The following CRYGN variants were observed in gnomAD, a reference collection of about 807,000 sequenced individuals.
The protein encoded by CRYGN is crystallin gamma N.
CRYGN carries 17 observed loss-of-function variants against 19.2 expected under a neutral mutation model. The ratio of observed to expected loss-of-function variants is 0.89; its 90% CI spans 0.61 to 1.33. The LOEUF is 1.33. Among genes scored for constraint, CRYGN ranks in the 40% most tolerant of loss-of-function variants. The pLI is 0.00. For missense variants in CRYGN, 239 were observed against 239.6 expected, an observed-to-expected ratio of 1.00 and a Z score of 0.02; for synonymous variants, 84 against 85.8, an observed-to-expected ratio of 0.98 and a Z score of 0.12.
Position 151,439,924 on chromosome 7 carries a change from C to T in CRYGN, c.-7G>A. 1 of 1,541,022 alleles carries T rather than the reference C, an allele frequency of 6.5e-7. No homozygotes were observed. Among genetic ancestry groups the T allele is most frequent in the Non-Finnish European group, 8.7e-7 (1 of 1,144,158 alleles). ...TCCCCGAGCGCTGCGCCATGGTGCG[C>T]CCCGCCCCTTCCGCGGGTCCCCGTT... On this transcript the variant is annotated 5_prime_UTR_variant, in exon 1 of 4. Coordinates refer to ENST00000337323, the MANE Select transcript of CRYGN (RefSeq NM_144727.3).
Position 151,435,322 on chromosome 7 carries a change from G to A in CRYGN, c.416+858C>T, listed in dbSNP as rs968607833. 1.3e-5 allele frequency among the ~76,000 whole-genome samples: 2 copies of A among 152,234 alleles called. No homozygotes were observed. ...AGGGACAGACACAGGCTTGGCTGCAGTCTCAGCTGTGCCACTCCCACGGGG... is the reference window on the plus strand; with the variant it reads ...AGGGACAGACACAGGCTTGGCTGCAATCTCAGCTGTGCCACTCCCACGGGG... On this transcript the variant is annotated intron_variant, in intron 3 of 3. Transcript: ENST00000337323. The surrounding 1 kb of genome is among the most constrained non-coding windows in gnomAD (Gnocchi z 4.2).
chr7:151,438,087 T>C lies in CRYGN; in HGVS notation c.179A>G (p.Gln60Arg). Residue 60 changes from glutamine to arginine, a missense_variant, in exon 2 of 4, where the codon CAG becomes CGG. By Grantham distance (43) the Gln-to-Arg change is conservative. Coordinates refer to ENST00000337323, the MANE Select transcript of CRYGN (RefSeq NM_144727.3). ...GTCGCCGTGCTCCAAGATGAACTGCTGGCCCCGGAAGTCGGGGTGATTGAA... is the reference window on the plus strand; with the variant it reads ...GTCGCCGTGCTCCAAGATGAACTGCCGGCCCCGGAAGTCGGGGTGATTGAA... The part of the protein sequence containing the change: ...VCFNHPDFRG[Q>R]QFILEHGDYP... The C allele has an allele frequency of 1.2e-6, 2 of 1,614,154 alleles. No individual in the cohort carries two copies. The highest frequency in any genetic ancestry group is 1.7e-6 in the Non-Finnish European group (2 of 1,180,036).
Position 151,430,506 on chromosome 7 carries a change from A to G in CRYGN, c.417-326T>C, listed in dbSNP as rs1294262357. ...GGGGAGAGGTTGGAGGACACCCAGG[A>G]ACGGGACAGCCATCCCCTGGCCCAC... On this transcript the variant is annotated intron_variant, in intron 3 of 3. Transcript: ENST00000337323. The surrounding 1 kb of genome is among the most constrained non-coding windows in gnomAD (Gnocchi z 5.2). Among the ~76,000 whole-genome samples the G allele has an allele frequency of 6.6e-6, 1 of 152,108 alleles. No individual in the cohort carries two copies. The highest frequency in any genetic ancestry group is 2.4e-5 in the African/African-American group (1 of 41,416).
intron 3 of CRYGN, among the ~76,000 whole-genome samples, chr7:151,434,764 C>A (rs1356484249): frequency 6.6e-6 from 1 of 152,216 alleles, no homozygotes; most frequent in Non-Finnish European, 1.5e-5. Flanking sequence ...TGATATATAA[C>A]AAAGCCATTT....
chr7:151,432,134 C>T (rs987697324), intron 3 of CRYGN: 38 of 1,194,936 alleles, frequency 3.2e-5, no homozygotes, highest in Middle Eastern at 6.3e-4. Flanking sequence ...CCGGCCATCC[C>T]GGTGGGAGGG....
chr7:151,432,189 T>C (rs1801486167), intron 3 of CRYGN: 1 of 1,231,890 alleles, frequency 8.1e-7, no homozygotes, highest in Non-Finnish European at 1.0e-6. Context: ...ACTGCACTCG[T>C]GCGCTGTGGG....
chr7:151,439,868 G>C (rs201578403), intron 1 of CRYGN, 29 bp downstream of exon 1: 6 of 1,551,716 alleles, frequency 3.9e-6, no homozygotes, highest in Non-Finnish European at 5.2e-6. Context: ...GCCCCACTCG[G>C]TTTCCTTGGG....
chr7:151,432,759 G>A (rs1801502854), intron 3 of CRYGN, among the ~76,000 whole-genome samples: 2 of 152,190 alleles, frequency 1.3e-5, no homozygotes, highest in African/African-American at 4.8e-5. Flanking sequence ...AGCCGAGATT[G>A]CGCCACTGCA....
rs1801439531 is a variant in CRYGN at position 151,430,519 on chromosome 7, TC to T, written c.417-340del. Among the ~76,000 whole-genome samples, 1 of 152,064 alleles carries T rather than the reference TC, an allele frequency of 6.6e-6. No individual in the cohort carries two copies. Among genetic ancestry groups the T allele is most frequent in the South Asian group, 2.1e-4 (1 of 4,822 alleles). Reference sequence around the variant, plus strand: ...AGGACACCCAGGAACGGGACAGCCATCCCCTGGCCCACCACACTCAGGCCAC... The same window carrying T: ...AGGACACCCAGGAACGGGACAGCCATCCCTGGCCCACCACACTCAGGCCAC... On this transcript the variant is annotated intron_variant, in intron 3 of 3. Coordinates refer to ENST00000337323, the MANE Select transcript of CRYGN (RefSeq NM_144727.3). This position sits in a 1 kb window ranked among gnomAD's most constrained non-coding sequence, Gnocchi z 5.2.
chr7:151,435,482 A>C lies in CRYGN; in HGVS notation c.416+698T>G, dbSNP rs529919524. 6.6e-6 allele frequency among the ~76,000 whole-genome samples: 1 copy of C among 152,158 alleles called. No homozygotes were observed. The highest frequency in any genetic ancestry group is 2.4e-5 in the African/African-American group (1 of 41,424). ...TTGAAGGTGCTCAGAGGATAGTTGC[A>C]AAAGGGGAGTGTGCGGGAGGGCAGG... is the stretch of plus-strand genomic sequence containing the variant. On this transcript the variant is annotated intron_variant, in intron 3 of 3. Transcript: ENST00000337323. The surrounding 1 kb of genome is among the most constrained non-coding windows in gnomAD (Gnocchi z 4.2).
intron 2 of CRYGN, 89 bp downstream of exon 2, chr7:151,437,907 G>A (rs765488609): frequency 6.3e-7 from 1 of 1,594,892 alleles, no homozygotes; most frequent in Non-Finnish European, 8.5e-7. Context: ...GGAGGACCAC[G>A]CTCCCCGATT....
rs1265113174 is a variant in CRYGN, at chr7:151,429,041, A to G, written c.*1007T>C. Reference sequence around the variant, plus strand: ...AGGGGAAGCCTCTGGAACTCATGGGAAGGGCTGCTAGGCCTGGTTTTTCCC... The same window carrying G: ...AGGGGAAGCCTCTGGAACTCATGGGGAGGGCTGCTAGGCCTGGTTTTTCCC... On this transcript the variant is annotated 3_prime_UTR_variant, in exon 4 of 4. Coordinates refer to ENST00000337323, the MANE Select transcript of CRYGN (RefSeq NM_144727.3). 8 of 152,726 alleles carry G rather than the reference A, an allele frequency of 5.2e-5. No homozygotes were observed. In the East Asian group the frequency reaches 1.5e-3, roughly 29 times the overall value. 9.5% of individuals were successfully genotyped at this position (152,726 alleles called of 1,614,324 possible). A position where few individuals can be genotyped will look rare whatever the true frequency, so the allele number is the denominator to read the frequency against.
rs1801587491 is a variant in CRYGN at position 151,435,778 on chromosome 7, G to A, written c.416+402C>T. ...CCACTGTGGCTTTTCCAGCCCATAAGGCCCTGGAGGACCCCTTGGTAAGCA... is the reference window on the plus strand; with the variant it reads ...CCACTGTGGCTTTTCCAGCCCATAAAGCCCTGGAGGACCCCTTGGTAAGCA... On this transcript the variant is annotated intron_variant, in intron 3 of 3. Coordinates refer to ENST00000337323, the MANE Select transcript of CRYGN (RefSeq NM_144727.3). This position sits in a 1 kb window ranked among gnomAD's most constrained non-coding sequence, Gnocchi z 4.2. Among the ~76,000 whole-genome samples the A allele has an allele frequency of 6.6e-6, 1 of 152,150 alleles. No individual in the cohort carries two copies. Among genetic ancestry groups the A allele is most frequent in the South Asian group, 2.1e-4 (1 of 4,832 alleles).
chr7:151,430,468 C>T lies in CRYGN; in HGVS notation c.417-288G>A, dbSNP rs73154829. 0.019 allele frequency among the ~76,000 whole-genome samples: 2,951 copies of T among 152,274 alleles called. 48 individuals are homozygous for T. Among genetic ancestry groups the T allele is most frequent in the Non-Finnish European group, 0.029 (1,997 of 68,020 alleles). On this transcript the variant is annotated intron_variant, in intron 3 of 3. Transcript: ENST00000337323. This position sits in a 1 kb window ranked among gnomAD's most constrained non-coding sequence, Gnocchi z 5.2. ...ATCGTGACTCTTTTTCCATTGCTCT[C>T]TCAGTGAGGGATGGGGAGAGGTTGG... is the stretch of plus-strand genomic sequence containing the variant.
At chr7:151,432,384 G>A (rs889986142) in intron 3 of CRYGN, 11 of 641,814 alleles carry the variant, frequency 1.7e-5, no homozygotes, top group East Asian at 1.4e-4. Flanking sequence ...AACCCCTCCC[G>A]GTCGAGCGGC....
rs1801454846 is a variant in CRYGN at position 151,431,197 on chromosome 7, G to C, written c.417-1017C>G. Among the ~76,000 whole-genome samples the C allele has an allele frequency of 6.6e-6, 1 of 152,192 alleles. No homozygotes were observed. The highest frequency in any genetic ancestry group is 1.5e-5 in the Non-Finnish European group (1 of 68,022). On this transcript the variant is annotated intron_variant, in intron 3 of 3. Coordinates refer to ENST00000337323, the MANE Select transcript of CRYGN (RefSeq NM_144727.3). The surrounding 1 kb of genome is among the most constrained non-coding windows in gnomAD (Gnocchi z 4.8). Reference sequence around the variant, plus strand: ...GGGAGTTACCTGGGCCACCCCCAGGGACCAGAGTTCCCCTCGTGGGACCTT... The same window carrying C: ...GGGAGTTACCTGGGCCACCCCCAGGCACCAGAGTTCCCCTCGTGGGACCTT...
intron 3 of CRYGN, among the ~76,000 whole-genome samples, chr7:151,434,303 A>G (rs1480418251): frequency 6.6e-6 from 1 of 151,888 alleles, no homozygotes; most frequent in Non-Finnish European, 1.5e-5. Context: ...CAAGCCCCTG[A>G]GCGTTGGGGG....
Position 151,430,988 on chromosome 7 carries a change from C to T in CRYGN, c.417-808G>A, listed in dbSNP as rs868228678. Among the ~76,000 whole-genome samples the T allele has an allele frequency of 1.3e-5, 2 of 152,224 alleles. No individual in the cohort carries two copies. The highest frequency in any genetic ancestry group is 4.8e-5 in the African/African-American group (2 of 41,448). On this transcript the variant is annotated intron_variant, in intron 3 of 3. Transcript: ENST00000337323. This position sits in a 1 kb window ranked among gnomAD's most constrained non-coding sequence, Gnocchi z 5.2. ...AGCCAGGCCTTGGTCCAGGCACAGGCCATGTGGACATCTTTGGGGTCTCCA... is the reference window on the plus strand; with the variant it reads ...AGCCAGGCCTTGGTCCAGGCACAGGTCATGTGGACATCTTTGGGGTCTCCA...
rs563237347 is a variant in CRYGN, at chr7:151,437,723, T to A, written c.270+273A>T. 10 of 1,003,084 alleles carry A rather than the reference T, an allele frequency of 1.0e-5. No homozygotes were observed. In the East Asian group the frequency reaches 1.1e-4, roughly 11 times the overall value. The allele number at this position is 1,003,084 out of a possible 1,614,324, so 62.1% of individuals were successfully genotyped here. A position where few individuals can be genotyped will look rare whatever the true frequency, so the allele number is the denominator to read the frequency against. On this transcript the variant is annotated intron_variant, in intron 2 of 3. Transcript: ENST00000337323. ...TGGATGATTTCAACAGCATTTTAAA[T>A]GGAAAATGCAGCTAGATTTTTGGCT...
Sources: allele counts gnomAD v4.1 joint callset (sites outside exome capture counted in the v4.1 genomes callset), GRCh38; gene constraint gnomAD v4.1.1; non-coding constraint Gnocchi (gnomAD v3.1); transcripts MANE v1.5; gene names NCBI Gene and HGNC (gene_info 2026-07-23, HGNC 2026-07-21).